The following PTPRS variants were observed in gnomAD, a reference collection of about 807,000 sequenced individuals.
The protein encoded by PTPRS is receptor-type tyrosine-protein phosphatase S.
PTPRS carries 63 observed loss-of-function variants against 215.3 expected under a neutral mutation model. That is an observed-to-expected ratio of 0.29 (90% CI 0.24 to 0.36). PTPRS has a LOEUF of 0.36. PTPRS is among the 10% of genes least tolerant of loss of function. The pLI, the probability that PTPRS is intolerant of heterozygous loss-of-function variation, is 1.00. For missense variants in PTPRS, 2,258 were observed against 2,825.8 expected, an observed-to-expected ratio of 0.80 and a Z score of 4.56; for synonymous variants, 1,404 against 1,191.4, an observed-to-expected ratio of 1.18 and a Z score of -3.68.
chr19:5,285,846 A>T (rs887004730), intron 2 of PTPRS, among the ~76,000 whole-genome samples: 2 of 152,214 alleles, frequency 1.3e-5, no homozygotes, highest in African/African-American at 4.8e-5. Flanking sequence ...TATGAATACC[A>T]GCATTATTAT....
intron 1 of PTPRS, among the ~76,000 whole-genome samples, chr19:5,320,677 CA>C (rs1417991318): frequency 1.3e-5 from 2 of 152,110 alleles, no homozygotes; most frequent in Non-Finnish European, 2.9e-5. Context: ...CTGCTCACCT[CA>C]GCCTCCCAAA....
At chr19:5,268,723 T>C (rs563881436) in intron 4 of PTPRS, among the ~76,000 whole-genome samples, 2 of 152,258 alleles carry the variant, frequency 1.3e-5, no homozygotes, top group East Asian at 3.9e-4. Context: ...TGTGATCTCC[T>C]CCAAGCCTTT....
intron 28 of PTPRS, 148 bp downstream of exon 28, chr19:5,215,141 A>G (rs953004846): frequency 7.9e-6 from 8 of 1,012,968 alleles, no homozygotes; most frequent in South Asian, 4.7e-5. Context: ...AGTTAAATAC[A>G]TATCTAAAGA....
rs370753901 is a variant in PTPRS, at chr19:5,210,916, C to T, written c.5235-111G>A. 13 of 1,398,586 alleles carry T rather than the reference C, an allele frequency of 9.3e-6. 1 individual carries two copies. The African/African-American group carries it at 1.1e-4, about 12-fold the overall frequency. 86.6% of individuals were successfully genotyped at this position (1,398,586 alleles called of 1,614,324 possible). On this transcript the variant is annotated intron_variant, in intron 33 of 37. Transcript: ENST00000262963. The surrounding 1 kb of genome is among the most constrained non-coding windows in gnomAD (Gnocchi z 4.5). The stretch of plus-strand genomic sequence containing the variant: ...AAGCCAGTGACAGCTACACCTACCA[C>T]CCCACTGCCTGCCAGGAATGGCTGC...
chr19:5,306,775 A>G (rs533452641), intron 1 of PTPRS, among the ~76,000 whole-genome samples: 1 of 152,306 alleles, frequency 6.6e-6, no homozygotes, highest in African/African-American at 2.4e-5. Flanking sequence ...GTTCTAAACA[A>G]GCAGGTTCCC....
Position 5,243,974 on chromosome 19 carries a change from C to T in PTPRS, c.1497G>A (p.Val499=), listed in dbSNP as rs1396436491. The change falls in exon 11 of 38, where the codon GTG becomes GTA. Residue 499 remains valine, a synonymous_variant. Coordinates refer to ENST00000262963, the MANE Select transcript of PTPRS (RefSeq NM_002850.4). ...GSLLEDETYT[V]RVLAFTSVGD... ...CGACGGAGGTGAAGGCGAGCACCCG[C>T]ACGGTGTAGGTCTCGTCCTCCAGCA... The T allele has an allele frequency of 1.9e-6, 3 of 1,601,298 alleles. No homozygotes were observed. Among genetic ancestry groups the T allele is most frequent in the Non-Finnish European group, 2.5e-6 (3 of 1,179,262 alleles).
Position 5,257,290 on chromosome 19 carries a change from A to G in PTPRS, c.706+727T>C. ...GGGCGAGGCCCCCACGCTGCTGGGC[A>G]TGACTGAGTGGGAATTGGAAACTGA... On this transcript the variant is annotated intron_variant, in intron 8 of 37. Coordinates refer to ENST00000262963, the MANE Select transcript of PTPRS (RefSeq NM_002850.4). The surrounding 1 kb of genome is among the most constrained non-coding windows in gnomAD (Gnocchi z 4.4). The G allele has an allele frequency of 2.5e-6, 1 of 398,262 alleles. No homozygotes were observed. Among genetic ancestry groups the G allele is most frequent in the South Asian group, 1.8e-5 (1 of 55,694 alleles). 24.7% of individuals were successfully genotyped at this position (398,262 alleles called of 1,614,324 possible).
chr19:5,217,646 G>T (rs1453902686), intron 25 of PTPRS, among the ~76,000 whole-genome samples: 1 of 152,194 alleles, frequency 6.6e-6, no homozygotes, highest in African/African-American at 2.4e-5. Flanking sequence ...TCTTCATTTG[G>T]TTGGAAAATA....
At chr19:5,334,791 G>A (rs1422309023) in intron 1 of PTPRS, among the ~76,000 whole-genome samples, 1 of 152,168 alleles carries the variant, frequency 6.6e-6, no homozygotes, top group Non-Finnish European at 1.5e-5. Context: ...GGCCAGTGAA[G>A]GCCCCTCCCT....
chr19:5,255,231 GCT>G (rs1233051591), intron 9 of PTPRS, among the ~76,000 whole-genome samples: 1 of 152,174 alleles, frequency 6.6e-6, no homozygotes, highest in Non-Finnish European at 1.5e-5. Flanking sequence ...AAATTGGGCT[GCT>G]CTCTCCACAC....
chr19:5,333,049 T>C (rs1159600262), intron 1 of PTPRS, among the ~76,000 whole-genome samples: 5 of 151,986 alleles, frequency 3.3e-5, no homozygotes, highest in Admixed American at 6.6e-5. Context: ...CTCGGGAGGC[T>C]GAGGCAGGAG....
At chr19:5,207,360 C>T (rs955281291) in intron 37 of PTPRS, among the ~76,000 whole-genome samples, 10 of 152,260 alleles carry the variant, frequency 6.6e-5, no homozygotes, top group Non-Finnish European at 1.3e-4. Flanking sequence ...GCTGGGATTA[C>T]AGGCATAAGC....
At chr19:5,277,178 G>A (rs2047451980) in intron 2 of PTPRS, among the ~76,000 whole-genome samples, 1 of 151,132 alleles carries the variant, frequency 6.6e-6, no homozygotes, top group African/African-American at 2.4e-5. Context: ...TCCTGCCTCA[G>A]CCTCCCAAGT....
In PTPRS at chr19:5,243,923, G is replaced by T; in HGVS notation, c.1548C>A (p.Ile516=). The change falls in exon 11 of 38, where the codon ATC becomes ATA. Residue 516 remains isoleucine, a synonymous_variant. Transcript: ENST00000262963. The part of the protein sequence containing the change: ...SVGDGPLSDP[I]QVKTQQGVPG... ...CACCTCCCTGCTGCGTCTTGACCTGGATGGGGTCCGAGAGGGGCCCGTCGC... is the reference window on the plus strand; with the variant it reads ...CACCTCCCTGCTGCGTCTTGACCTGTATGGGGTCCGAGAGGGGCCCGTCGC... The T allele has an allele frequency of 6.4e-7, 1 of 1,552,072 alleles. No homozygotes were observed. Among genetic ancestry groups the T allele is most frequent in the Non-Finnish European group, 8.7e-7 (1 of 1,153,120 alleles).
chr19:5,311,724 C>A (rs146302605), intron 1 of PTPRS, among the ~76,000 whole-genome samples: 3 of 152,016 alleles, frequency 2.0e-5, no homozygotes, highest in Non-Finnish European at 4.4e-5. Flanking sequence ...GGTAACTGGG[C>A]GAGAGGGAGT....
chr19:5,268,892 C>T (rs559912352), intron 4 of PTPRS, among the ~76,000 whole-genome samples: 9 of 152,330 alleles, frequency 5.9e-5, no homozygotes, highest in East Asian at 3.9e-4. Flanking sequence ...CTGAACCCAT[C>T]GGGGCCCTGA....
chr19:5,330,691 A>G (rs1017417678), intron 1 of PTPRS, among the ~76,000 whole-genome samples: 8 of 152,164 alleles, frequency 5.3e-5, no homozygotes, highest in Non-Finnish European at 1.0e-4. Flanking sequence ...GAAGGAAATA[A>G]TGAGGTCATC....
intron 35 of PTPRS, among the ~76,000 whole-genome samples, chr19:5,209,719 C>T (rs754522342): frequency 2.5e-4 from 38 of 152,158 alleles, no homozygotes; most frequent in Non-Finnish European, 4.9e-4. Context: ...CAAACTACCA[C>T]ATTCCACTGA....
At chr19:5,241,984 C>T (rs919768854) in intron 11 of PTPRS, among the ~76,000 whole-genome samples, 20 of 152,000 alleles carry the variant, frequency 1.3e-4, no homozygotes, top group African/African-American at 4.3e-4. Flanking sequence ...TACAGACACA[C>T]GCTATCATGC....
Sources: allele counts gnomAD v4.1 joint callset (sites outside exome capture counted in the v4.1 genomes callset), GRCh38; gene constraint gnomAD v4.1.1; non-coding constraint Gnocchi (gnomAD v3.1); transcripts MANE v1.5; gene names NCBI Gene and HGNC (gene_info 2026-07-23, HGNC 2026-07-21).